The following PIK3C2B variants were observed in gnomAD, a reference collection of about 807,000 sequenced individuals.
PIK3C2B encodes phosphatidylinositol-4-phosphate 3-kinase catalytic subunit type 2 beta, also known as phosphatidylinositol 4-phosphate 3-kinase C2 domain-containing subunit beta.
Under a neutral mutation model 184.3 loss-of-function variants are expected in PIK3C2B, and 83 were observed. The ratio of observed to expected loss-of-function variants is 0.45; its 90% confidence interval spans 0.38 to 0.54. PIK3C2B has a LOEUF of 0.54. Ranked by LOEUF, PIK3C2B falls within the 20% of genes least tolerant of loss-of-function variation. PIK3C2B has a pLI of 0.00. For missense variants in PIK3C2B, 1,736 were observed against 2,113.5 expected (o/e 0.82, Z 3.50); for synonymous variants, 779 against 837.6 (o/e 0.93, Z 1.21).
At position 204,447,620 on chromosome 1, in the gene PIK3C2B, G is replaced by A. The variant is rs1653992864; in HGVS notation, c.2347-42C>T. The A allele has an allele frequency of 6.0e-6, 9 of 1,492,900 alleles. No homozygotes were observed. In the East Asian group the frequency reaches 2.0e-4, roughly 34 times the overall value. 92.5% of individuals were successfully genotyped at this position (1,492,900 alleles called of 1,614,324 possible). A position where few individuals can be genotyped will look rare whatever the true frequency, so the allele number is the denominator to read the frequency against. On this transcript the variant is annotated intron_variant, in intron 14 of 32. Transcript: ENST00000684373. The surrounding 1 kb of genome is among the most constrained non-coding windows in gnomAD (Gnocchi z 4.1). ...GGGATGTGAGGAGAGAAAACAGGCA[G>A]CGTGTGTGGACTCCCAGCTTCTTTC... is the stretch of plus-strand genomic sequence containing the variant.
At position 204,454,658 on chromosome 1, in the gene PIK3C2B, G is replaced by A. The variant is rs1431738482; in HGVS notation, c.2066+11C>T. 4 of 1,611,706 alleles carry A rather than the reference G, an allele frequency of 2.5e-6. No individual in the cohort carries two copies. The highest frequency in any genetic ancestry group is 1.3e-5 in the African/African-American group (1 of 74,870). On this transcript the variant is annotated intron_variant, in intron 12 of 32. Coordinates refer to ENST00000684373, the MANE Select transcript of PIK3C2B (RefSeq NM_001377334.1). ...GTGGCCTGGGCACTGAAGCCTGGGG[G>A]AAGGGCTTACTGCTGGTCCCAGACG... is the stretch of plus-strand genomic sequence containing the variant.
intron 1 of PIK3C2B, 76 bp downstream of exon 1, chr1:204,494,279 CT>C (rs1658221445): frequency 6.6e-6 from 1 of 152,348 alleles, no homozygotes; most frequent in Non-Finnish European, 1.5e-5. Flanking sequence ...GGAGAGCCCC[CT>C]GACCTCGGCT....
rs1000411083 is a variant in PIK3C2B at position 204,494,182 on chromosome 1, A to T, written c.-85+174T>A. On this transcript the variant is annotated intron_variant, in intron 1 of 32. Coordinates refer to ENST00000684373, the MANE Select transcript of PIK3C2B (RefSeq NM_001377334.1). The stretch of plus-strand genomic sequence containing the variant: ...TGCTCTGCCCGGCGGGCAGGAGCTC[A>T]GGCTCCCACGGCGTCCGCCGCTCAG... 3.3e-5 allele frequency among the ~76,000 whole-genome samples: 5 copies of T among 152,244 alleles called. No homozygotes were observed. The South Asian group carries it at 1.0e-3, about 32-fold the overall frequency.
rs150082247 is a variant in PIK3C2B, at chr1:204,468,633, C to T, written c.933+237G>A. 1.9e-3 allele frequency among the ~76,000 whole-genome samples: 284 copies of T among 152,266 alleles called. 3 individuals carry two copies. Among genetic ancestry groups the T allele is most frequent in the African/African-American group, 6.5e-3 (271 of 41,538 alleles). ...TCCCAAATGCCTGCCCCAGAAGGCC[C>T]GTTTTGGCCAAGATACATGAAACCT... is the stretch of plus-strand genomic sequence containing the variant. On this transcript the variant is annotated intron_variant, in intron 2 of 32. Coordinates refer to ENST00000684373, the MANE Select transcript of PIK3C2B (RefSeq NM_001377334.1).
intron 1 of PIK3C2B, among the ~76,000 whole-genome samples, chr1:204,487,727 C>T (rs1026043320): frequency 1.3e-5 from 2 of 152,096 alleles, no homozygotes; most frequent in African/African-American, 4.8e-5. Flanking sequence ...TATATTAAGA[C>T]GCTGGGAAAT....
At chr1:204,430,157 G>A (rs957672622) in intron 28 of PIK3C2B, 119 bp from the exon 29 acceptor site, 1 of 664,714 alleles carries the variant, frequency 1.5e-6, no homozygotes, top group South Asian at 1.7e-5. Context: ...CCATTTCCCA[G>A]CAGCCTCCAT....
intron 23 of PIK3C2B, among the ~76,000 whole-genome samples, chr1:204,438,292 G>A (rs1675462516): frequency 6.6e-6 from 1 of 152,190 alleles, no homozygotes; most frequent in East Asian, 1.9e-4. Context: ...CCAGAGACTA[G>A]AGTTGTGATG....
At chr1:204,449,570 A>C (rs1326727771) in intron 13 of PIK3C2B, among the ~76,000 whole-genome samples, 1 of 152,138 alleles carries the variant, frequency 6.6e-6, no homozygotes, top group Non-Finnish European at 1.5e-5. Context: ...ATGACCTCTA[A>C]GGTTCTTCCA....
At position 204,424,337 on chromosome 1, in the gene PIK3C2B, C is replaced by CAAA. The variant is rs200443443; in HGVS notation, c.*512_*514dup. 4 of 182,778 alleles carry CAAA rather than the reference C, an allele frequency of 2.2e-5. No homozygotes were observed. The highest frequency in any genetic ancestry group is 1.7e-4 in the South Asian group (2 of 12,070). 11.3% of individuals were successfully genotyped at this position (182,778 alleles called of 1,614,324 possible). A position where few individuals can be genotyped will look rare whatever the true frequency, so the allele number is the denominator to read the frequency against. On this transcript the variant is annotated 3_prime_UTR_variant, in exon 33 of 33. Transcript: ENST00000684373. ...GAAAACGAAACAACAACAACAATAACAAAAAAAAAAAACCTAGGGAAAAGT... is the reference window on the plus strand; with the variant it reads ...GAAAACGAAACAACAACAACAATAACAAAAAAAAAAAAAAACCTAGGGAAAAGT...
chr1:204,482,063 A>C (rs1365145573), intron 1 of PIK3C2B, among the ~76,000 whole-genome samples: 1 of 147,578 alleles, frequency 6.8e-6, no homozygotes, highest in African/African-American at 2.6e-5. Flanking sequence ...GGCCCTGGAA[A>C]TGGTAAGACT....
At chr1:204,477,641 C>T (rs1015567511) in intron 1 of PIK3C2B, among the ~76,000 whole-genome samples, 1 of 152,176 alleles carries the variant, frequency 6.6e-6, no homozygotes, top group African/African-American at 2.4e-5. Flanking sequence ...AGCCCAGGGG[C>T]CACCACTGGA....
intron 21 of PIK3C2B, 81 bp from the exon 22 acceptor site, chr1:204,440,402 C>T (rs933447356): frequency 1.4e-6 from 2 of 1,427,738 alleles, no homozygotes; most frequent in Non-Finnish European, 1.9e-6. Flanking sequence ...CAACCTTGGC[C>T]CTAAACTAAC....
chr1:204,449,008 C>T (rs1178200827), intron 14 of PIK3C2B, among the ~76,000 whole-genome samples, 177 bp downstream of exon 14: 1 of 152,192 alleles, frequency 6.6e-6, no homozygotes, highest in Non-Finnish European at 1.5e-5. Flanking sequence ...TACCCCAGAG[C>T]TCACCTCACA....
At chr1:204,489,408 G>C (rs1184418827) in intron 1 of PIK3C2B, among the ~76,000 whole-genome samples, 1 of 151,558 alleles carries the variant, frequency 6.6e-6, no homozygotes, top group Non-Finnish European at 1.5e-5. Flanking sequence ...CTTGGCTCAA[G>C]TGATCATCCC....
rs1283898318 is a variant in PIK3C2B, at chr1:204,464,467, A to G, written c.1172T>C (p.Leu391Pro). The G allele has an allele frequency of 1.7e-5, 28 of 1,613,812 alleles. No individual in the cohort carries two copies. Among genetic ancestry groups the G allele is most frequent in the Middle Eastern group, 1.6e-4 (1 of 6,076 alleles). The part of the protein sequence containing the change: ...TVLCDRLQEA[L>P]TFTCNCSSTV... ...TAACTTACAGTTGCAGGTGAAAGTGAGTGCCTCTTGAAGCCTGTCACACAA... is the reference window on the plus strand; with the variant it reads ...TAACTTACAGTTGCAGGTGAAAGTGGGTGCCTCTTGAAGCCTGTCACACAA... Residue 391 changes from leucine to proline, a missense_variant, in exon 4 of 33, where the codon CTC becomes CCC. By Grantham distance (98) the Leu-to-Pro change is moderately conservative (BLOSUM62 -3). Transcript: ENST00000684373.
In PIK3C2B at chr1:204,424,774, G is replaced by A. The variant is rs535230764; in HGVS notation, c.*78C>T. On this transcript the variant is annotated 3_prime_UTR_variant, in exon 33 of 33. Transcript: ENST00000684373. ...GCCCAGGGCCCTGGCCCTTCACAAG[G>A]AGGAGTCTCACAGGGGAGAGTCCTC... The A allele has an allele frequency of 1.5e-4, 223 of 1,443,178 alleles. 5 individuals carry two copies. In the South Asian group the frequency reaches 2.4e-3, roughly 15 times the overall value. The allele number at this position is 1,443,178 out of a possible 1,614,324, so 89.4% of individuals were successfully genotyped here.
chr1:204,444,739 C>G lies in PIK3C2B; in HGVS notation c.2679-315G>C, dbSNP rs1468168325. Among the ~76,000 whole-genome samples, 5 of 152,354 alleles carry G rather than the reference C, an allele frequency of 3.3e-5. No individual in the cohort carries two copies. In the East Asian group the frequency reaches 9.6e-4, roughly 29 times the overall value. On this transcript the variant is annotated intron_variant, in intron 16 of 32. Coordinates refer to ENST00000684373, the MANE Select transcript of PIK3C2B (RefSeq NM_001377334.1). ...CCAGAGATTTCTCCCTTGACTCCCACTGTGCCAGAAATTCCTGCCATTGGA... is the reference window on the plus strand; with the variant it reads ...CCAGAGATTTCTCCCTTGACTCCCAGTGTGCCAGAAATTCCTGCCATTGGA...
At chr1:204,430,399 A>C (rs1674981783) in intron 28 of PIK3C2B, among the ~76,000 whole-genome samples, 1 of 151,310 alleles carries the variant, frequency 6.6e-6, no homozygotes, top group African/African-American at 2.4e-5. Context: ...AGGCGGGAGT[A>C]CAGTGGCGCA....
At chr1:204,431,896 A>C in intron 27 of PIK3C2B, 103 bp from the exon 28 acceptor site, 5 of 1,312,518 alleles carry the variant, frequency 3.8e-6, no homozygotes, top group South Asian at 1.2e-5. Flanking sequence ...GGGGAGGGGC[A>C]CATTCCAGAA....
Sources: gnomAD v4.1 joint callset for allele counts (sites outside exome capture counted in the v4.1 genomes callset) on GRCh38, gnomAD v4.1.1 for gene constraint, Gnocchi (gnomAD v3.1) non-coding constraint, MANE v1.5 for transcripts, NCBI Gene and HGNC (gene_info 2026-07-23, HGNC 2026-07-21) for gene names.